CLTC: variants seen among roughly 807,000 people sequenced by gnomAD.
CLTC encodes clathrin heavy chain.
Under a neutral mutation model 195.8 loss-of-function variants are expected in CLTC, and 16 were observed. The ratio of observed to expected loss-of-function variants is 0.08; its 90% CI spans 0.06 to 0.12. CLTC has a LOEUF of 0.12. Ranked by LOEUF, CLTC falls within the 10% of genes least tolerant of loss-of-function variation. The probability of loss-of-function intolerance (pLI) is 1.00; values close to 1 mark genes in which losing one functional copy is unlikely to be tolerated. For missense variants in CLTC, 796 were observed against 2,027.0 expected (o/e 0.39, Z 11.66); for synonymous variants, 667 against 689.4 (o/e 0.97, Z 0.51).
Position 59,620,047 on chromosome 17 carries a change from T to C in CLTC, c.-85T>C. On this transcript the variant is annotated 5_prime_UTR_variant, in exon 1 of 32. Transcript: ENST00000269122. ...GCTGAGCCCAGCCTCCCCCCTCCCC[T>C]TCTCCTCCTCTCCCTTGGAGAGCCC... 1 of 1,248,198 alleles carries C rather than the reference T, an allele frequency of 8.0e-7. No individual in the cohort carries two copies. Among genetic ancestry groups the C allele is most frequent in the Non-Finnish European group, 1.2e-6 (1 of 859,664 alleles). The allele number at this position is 1,248,198 out of a possible 1,614,324, so 77.3% of individuals were successfully genotyped here.
intron 1 of CLTC, among the ~76,000 whole-genome samples, chr17:59,622,611 G>T (rs1454096372): frequency 6.6e-6 from 1 of 152,132 alleles, no homozygotes; most frequent in Non-Finnish European, 1.5e-5. Flanking sequence ...CTGGGCTCAA[G>T]CAATCCTTTG....
chr17:59,679,524 C>G lies in CLTC; in HGVS notation c.2919+5C>G, dbSNP rs774180676. On this transcript the variant is annotated splice_donor_5th_base_variant and intron_variant, in intron 18 of 31. Transcript: ENST00000269122. ...AGGAGACCCCTAATTGACCAGGTAACATTGGCAAATGTGTTTATGGCTGTC... is the reference window on the plus strand; with the variant it reads ...AGGAGACCCCTAATTGACCAGGTAAGATTGGCAAATGTGTTTATGGCTGTC... 1.3e-6 allele frequency: 2 copies of G among 1,579,114 alleles called. No homozygotes were observed. The highest frequency in any genetic ancestry group is 8.6e-7 in the Non-Finnish European group (1 of 1,161,496).
rs2032028768 is a variant in CLTC, at chr17:59,641,417, A to G, written c.43-2859A>G. Among the ~76,000 whole-genome samples the G allele has an allele frequency of 2.0e-5, 3 of 151,672 alleles. No individual in the cohort carries two copies. The South Asian group carries it at 6.3e-4, about 32-fold the overall frequency. ...GGAGATCGAGACCATCCTGGCCAAC[A>G]TGGTGAAACTCCATTTCTACTAAAA... is the stretch of plus-strand genomic sequence containing the variant. On this transcript the variant is annotated intron_variant, in intron 1 of 31. Transcript: ENST00000269122.
In CLTC at chr17:59,629,844, A is replaced by G. The variant is rs557736282; in HGVS notation, c.42+9671A>G. Among the ~76,000 whole-genome samples the G allele has an allele frequency of 5.3e-5, 8 of 151,696 alleles. No individual in the cohort carries two copies. The South Asian group carries it at 1.7e-3, about 32-fold the overall frequency. ...TAGAGATCATAATTTACATAGAAAG[A>G]TAAGAGAAAAACAACTCTCCTGATA... On this transcript the variant is annotated intron_variant, in intron 1 of 31. Transcript: ENST00000269122.
At chr17:59,641,051 A>G (rs1163607172) in intron 1 of CLTC, among the ~76,000 whole-genome samples, 1 of 151,360 alleles carries the variant, frequency 6.6e-6, no homozygotes, top group Non-Finnish European at 1.5e-5. Flanking sequence ...CTGGGGAGGT[A>G]GAGGTTGCAG....
chr17:59,684,147 G>C, intron 28 of CLTC, 162 bp downstream of exon 28: 1 of 568,962 alleles, frequency 1.8e-6, no homozygotes, highest in South Asian at 2.5e-5. Context: ...TTCTAATTAA[G>C]TGCCAAGTTT....
At chr17:59,646,384 T>A (rs1361277804) in intron 2 of CLTC, among the ~76,000 whole-genome samples, 1 of 152,230 alleles carries the variant, frequency 6.6e-6, no homozygotes, top group Non-Finnish European at 1.5e-5. Flanking sequence ...AATAACATTC[T>A]TCATTTTATG....
chr17:59,696,230 G>T lies in CLTC; in HGVS notation c.*2378G>T. The T allele has an allele frequency of 4.5e-6, 1 of 221,384 alleles. No individual in the cohort carries two copies. The highest frequency in any genetic ancestry group is 9.0e-6 in the Non-Finnish European group (1 of 110,656). The allele number at this position is 221,384 out of a possible 1,614,324, so 13.7% of individuals were successfully genotyped here. On this transcript the variant is annotated 3_prime_UTR_variant, in exon 32 of 32. Transcript: ENST00000269122. ...TCTGTTTAGAAATAGTTGCTATTGT[G>T]GCATCATTCACAGTTGCAATTTTTC...
At chr17:59,665,247 T>TA (rs2032702959) in intron 10 of CLTC, among the ~76,000 whole-genome samples, 1 of 151,044 alleles carries the variant, frequency 6.6e-6, no homozygotes, top group Admixed American at 6.6e-5. Flanking sequence ...AAGGAAAACT[T>TA]ACAGTTTGTA....
At chr17:59,623,357 G>T (rs1248300259) in intron 1 of CLTC, among the ~76,000 whole-genome samples, 4 of 152,160 alleles carry the variant, frequency 2.6e-5, no homozygotes, top group African/African-American at 9.7e-5. Context: ...GCAGTCTCCT[G>T]GGAATAGCTT....
chr17:59,625,279 TTTTTTA>T (rs2031515494), intron 1 of CLTC, among the ~76,000 whole-genome samples: 1 of 151,988 alleles, frequency 6.6e-6, no homozygotes, highest in African/African-American at 2.4e-5. Flanking sequence ...CAGCTATTTT[TTTTTTA>T]TTTTTATTTT....
Position 59,660,445 on chromosome 17 carries a change from C to T in CLTC, c.1024C>T (p.Leu342=). ...ENIIPYITNV[L]QNPDLALRMA... is the part of the protein sequence containing the mutation. ...CATAATTCCTTACATCACCAATGTT[C>T]TACAAAATCCTGATTTGGCTCTGAG... Residue 342 remains leucine (L), a synonymous_variant, in exon 7 of 32, where the codon CTA becomes TTA. Transcript: ENST00000269122. 6.2e-7 allele frequency: 1 copy of T among 1,614,088 alleles called. No individual in the cohort carries two copies. Among genetic ancestry groups the T allele is most frequent in the African/African-American group, 1.3e-5 (1 of 75,028 alleles).
intron 1 of CLTC, among the ~76,000 whole-genome samples, chr17:59,627,923 A>G (rs1457166287): frequency 6.6e-6 from 1 of 152,252 alleles, no homozygotes; most frequent in Non-Finnish European, 1.5e-5. Context: ...ATGCCAAGAA[A>G]TAGAAGCTTG....
At chr17:59,632,367 CAAAA>C (rs11449653) in intron 1 of CLTC, among the ~76,000 whole-genome samples, 1 of 111,548 alleles carries the variant, frequency 9.0e-6, no homozygotes. Flanking sequence ...GAATCCATCT[CAAAA>C]AAAAAAAAAA....
intron 18 of CLTC, 115 bp from the exon 19 acceptor site, chr17:59,680,797 C>G: frequency 1.3e-6 from 1 of 749,398 alleles, no homozygotes; most frequent in Non-Finnish European, 2.1e-6. Context: ...ATTTAAAGGT[C>G]TTTTTCCTAC....
At position 59,663,910 on chromosome 17, in the gene CLTC, C is replaced by T; in HGVS notation, c.1437C>T (p.Tyr479=). The change falls in exon 9 of 32, where the codon TAC becomes TAT. Residue 479 remains tyrosine (Y), a synonymous_variant. Transcript: ENST00000269122. Reference sequence around the variant, plus strand: ...ACCCTACATTGGCACTTAGTGTGTACCTAAGGGCTAACGTCCCAAATAAAG... The same window carrying T: ...ACCCTACATTGGCACTTAGTGTGTATCTAAGGGCTAACGTCCCAAATAAAG... The part of the protein sequence containing the change: ...SVDPTLALSV[Y]LRANVPNKVI... 3 of 1,613,166 alleles carry T rather than the reference C, an allele frequency of 1.9e-6. No individual in the cohort carries two copies. Among genetic ancestry groups the T allele is most frequent in the Non-Finnish European group, 1.7e-6 (2 of 1,179,268 alleles).
Position 59,648,869 on chromosome 17 carries a change from T to C in CLTC, c.681+468T>C, listed in dbSNP as rs1369762991. On this transcript the variant is annotated intron_variant, in intron 4 of 31. Transcript: ENST00000269122. This position sits in a 1 kb window ranked among gnomAD's most constrained non-coding sequence, Gnocchi z 4.5. ...TGCCACCATGCCTGGCTAAATTTTG[T>C]ATTTTTGTAGAGACAGGGTCTCACT... Among the ~76,000 whole-genome samples the C allele has an allele frequency of 1.3e-5, 2 of 152,058 alleles. No homozygotes were observed. The highest frequency in any genetic ancestry group is 2.9e-5 in the Non-Finnish European group (2 of 67,992).
chr17:59,661,719 C>T (rs1427128690), intron 8 of CLTC, 76 bp downstream of exon 8: 2 of 1,254,892 alleles, frequency 1.6e-6, no homozygotes, highest in Non-Finnish European at 2.3e-6. Flanking sequence ...ATCATTTAGG[C>T]TGCACCACAA....
Position 59,666,168 on chromosome 17 carries a change from G to A in CLTC, c.1710G>A (p.Leu570=). 1 of 1,613,768 alleles carries A rather than the reference G, an allele frequency of 6.2e-7. No homozygotes were observed. Among genetic ancestry groups the A allele is most frequent in the Admixed American group, 1.7e-5 (1 of 59,998 alleles). The change falls in exon 11 of 32, where the codon CTG becomes CTA. Residue 570 remains leucine, a synonymous_variant. Transcript: ENST00000269122. The surrounding 1 kb of genome is among the most constrained non-coding windows in gnomAD (Gnocchi z 4.9). ...QQCTAFLLDA[L]KNNRPSEGPL... ...GTACTGCATTCTTGCTTGATGCTCT[G>A]AAGAATAATCGCCCATCTGAAGGTC...
Sources: allele counts gnomAD v4.1 joint callset (sites outside exome capture counted in the v4.1 genomes callset), GRCh38; gene constraint gnomAD v4.1.1; non-coding constraint Gnocchi (gnomAD v3.1); transcripts MANE v1.5; gene names NCBI Gene and HGNC (gene_info 2026-07-23, HGNC 2026-07-21).